Variants in PCDH11X observed in about 807,000 individuals in gnomAD.
PCDH11X encodes the protein protocadherin 11 X-linked.
Under a neutral mutation model 53.3 loss-of-function variants are expected in PCDH11X, and 18 were observed. That is an observed-to-expected ratio of 0.34 (90% CI 0.23 to 0.50). PCDH11X has a LOEUF of 0.50. Ranked by LOEUF, PCDH11X falls within the 20% of genes least tolerant of loss-of-function variation. PCDH11X has a pLI of 0.98. For synonymous variants in PCDH11X, 279 were observed against 393.3 expected, an observed-to-expected ratio of 0.71 and a Z score of 3.44; for missense variants, 570 against 1,032.4, an observed-to-expected ratio of 0.55 and a Z score of 6.14.
At chrX:92,365,906 C>A in intron 8 of PCDH11X, among the ~76,000 whole-genome samples, 1 of 110,245 alleles carries the variant, frequency 9.1e-6, no homozygotes, top group Admixed American at 9.7e-5. Flanking sequence ...TGAGGATTTT[C>A]GCATGGACGT....
At chrX:92,556,525 G>A (rs192840307) in intron 10 of PCDH11X, among the ~76,000 whole-genome samples, 2,589 of 111,511 alleles carry the variant, frequency 0.023, 68 homozygotes, top group African/African-American at 0.08. Flanking sequence ...ACTCCAAAGC[G>A]ATTTTCTTTA....
At chrX:92,411,688 A>G (rs1054304433) in intron 9 of PCDH11X, among the ~76,000 whole-genome samples, 3 of 107,110 alleles carry the variant, frequency 2.8e-5, no homozygotes, top group Non-Finnish European at 3.8e-5. Context: ...ACTGATGGGC[A>G]TTTGGGTTGG....
At chrX:92,048,055 A>G (rs2063316471) in intron 6 of PCDH11X, among the ~76,000 whole-genome samples, 1 of 111,075 alleles carries the variant, frequency 9.0e-6, no homozygotes, top group African/African-American at 3.3e-5. Context: ...TCAGCATTAG[A>G]AGTAGAAGTA....
intron 6 of PCDH11X, among the ~76,000 whole-genome samples, chrX:92,084,709 A>C (rs1352679141): frequency 1.8e-5 from 2 of 111,424 alleles, no homozygotes; most frequent in African/African-American, 6.5e-5. Context: ...GATCACAAGC[A>C]CTTGGTTGGA....
At chrX:92,302,467 A>G in intron 8 of PCDH11X, among the ~76,000 whole-genome samples, 1 of 111,152 alleles carries the variant, frequency 9.0e-6, no homozygotes, top group East Asian at 2.8e-4. Context: ...ATTAATATTT[A>G]CCAGTTTTGC....
chrX:91,794,331 C>T (rs1001081721), intron 1 of PCDH11X, among the ~76,000 whole-genome samples: 5 of 111,319 alleles, frequency 4.5e-5, no homozygotes, highest in Non-Finnish European at 9.4e-5. Context: ...CTAAAGTCAT[C>T]GTCAATTTAG....
intron 6 of PCDH11X, among the ~76,000 whole-genome samples, chrX:91,939,703 G>C (rs769358642): frequency 9.1e-6 from 1 of 110,020 alleles, no homozygotes; most frequent in South Asian, 3.8e-4. Context: ...TGTCTTTAAA[G>C]TGCTGAAAGA....
At chrX:92,373,230 T>TA (rs1217408507) in intron 8 of PCDH11X, among the ~76,000 whole-genome samples, 1 of 111,400 alleles carries the variant, frequency 9.0e-6, no homozygotes, top group Non-Finnish European at 1.9e-5. Context: ...GTTGAAAACT[T>TA]ACATGCTGTA....
intron 6 of PCDH11X, among the ~76,000 whole-genome samples, chrX:92,125,629 T>G (rs749827926): frequency 4.5e-5 from 5 of 111,619 alleles, no homozygotes; most frequent in South Asian, 7.4e-4. Flanking sequence ...GCTAGTCTTT[T>G]TTTGTTTGTT....
chrX:91,826,004 A>G (rs1401623556), intron 4 of PCDH11X, among the ~76,000 whole-genome samples: 3 of 109,696 alleles, frequency 2.7e-5, no homozygotes, highest in African/African-American at 1.0e-4. Context: ...ACTTTCAAAT[A>G]TACTAATACT....
rs763381982 is a variant in PCDH11X, at chrX:92,452,463, G to GTATATATA, written c.3344-15808_3344-15801dup. ...TTGTATAATATAGATGTGTGTGTGT[G>GTATATATA]TATATATATATATATATATATATAT... On this transcript the variant is annotated intron_variant, in intron 9 of 10. Coordinates refer to ENST00000682573, the MANE Select transcript of PCDH11X (RefSeq NM_032968.5). Among the ~76,000 whole-genome samples, 70 of 44,707 alleles carry GTATATATA rather than the reference G, an allele frequency of 1.6e-3. 2 individuals are homozygous for GTATATATA. Among genetic ancestry groups the GTATATATA allele is most frequent in the East Asian group, 0.016 (16 of 1,032 alleles). The allele number at this position is 44,707 out of a possible 115,157, so 38.8% of individuals were successfully genotyped here.
At chrX:91,963,385 A>C (rs946683979) in intron 6 of PCDH11X, among the ~76,000 whole-genome samples, 21 of 107,964 alleles carry the variant, frequency 1.9e-4, no homozygotes, top group African/African-American at 7.2e-5. Context: ...TCTCTAAGGT[A>C]GGGGCAAAAT....
At position 92,086,782 on chromosome X, in the gene PCDH11X, G is replaced by T; in HGVS notation, c.3034-114593G>T. Among the ~76,000 whole-genome samples, 3 of 110,972 alleles carry T rather than the reference G, an allele frequency of 2.7e-5. No individual in the cohort carries two copies. The South Asian group carries it at 1.2e-3, about 43-fold the overall frequency. On this transcript the variant is annotated intron_variant, in intron 6 of 10. Transcript: ENST00000682573. ...ACAGTGTTCTGTGTGGGAGACACAT[G>T]AGGGGAGACGAAAAGGCACACACAA...
At chrX:92,473,408 T>G (rs1603339075) in intron 10 of PCDH11X, among the ~76,000 whole-genome samples, 1 of 112,020 alleles carries the variant, frequency 8.9e-6, no homozygotes, top group East Asian at 2.8e-4. Context: ...ACCTTTTTAT[T>G]TCATTGATCT....
intron 10 of PCDH11X, among the ~76,000 whole-genome samples, chrX:92,555,282 A>G (rs1296290422): frequency 8.9e-6 from 1 of 111,873 alleles, no homozygotes; most frequent in East Asian, 2.8e-4. Context: ...ATTCAAGTGT[A>G]TAGTCTAAAA....
chrX:92,246,208 C>T (rs977529572), intron 7 of PCDH11X, among the ~76,000 whole-genome samples: 9 of 111,797 alleles, frequency 8.1e-5, no homozygotes, highest in Non-Finnish European at 1.1e-4. Context: ...TATTTCCCAT[C>T]GTTTTCATCA....
intron 9 of PCDH11X, among the ~76,000 whole-genome samples, chrX:92,465,213 C>A (rs1378155064): frequency 9.0e-6 from 1 of 111,589 alleles, no homozygotes; most frequent in Non-Finnish European, 1.9e-5. Context: ...TGAATCTTGA[C>A]TGATCAGATT....
intron 4 of PCDH11X, among the ~76,000 whole-genome samples, chrX:91,833,252 C>T (rs1407023698): frequency 9.0e-6 from 1 of 110,977 alleles, no homozygotes; most frequent in African/African-American, 3.3e-5. Context: ...TTTATAAAAT[C>T]ACATAAACAT....
chrX:92,024,718 C>CAAAAAAAAAAAAAAAAAAAAAAAAAAAA (rs199917287), intron 6 of PCDH11X, among the ~76,000 whole-genome samples: 1 of 54,675 alleles, frequency 1.8e-5, no homozygotes, highest in African/African-American at 5.7e-5. Context: ...CAATCCTAAG[C>CAAAAAAAAAAAAAAAAAAAAAAAAAAAA]AAAAAAAAAA....
Sources: allele counts gnomAD v4.1 joint callset (sites outside exome capture counted in the v4.1 genomes callset), GRCh38; gene constraint gnomAD v4.1.1; transcripts MANE v1.5; gene names NCBI Gene and HGNC (gene_info 2026-07-23, HGNC 2026-07-21).